Variants in KIAA0513 observed in about 807,000 individuals in gnomAD.
KIAA0513 encodes the protein uncharacterized protein KIAA0513.
KIAA0513 carries 39 observed loss-of-function variants against 56.5 expected under a neutral mutation model. The ratio of observed to expected loss-of-function variants is 0.69; its 90% CI spans 0.53 to 0.90. The LOEUF is 0.90. Ranked by LOEUF, KIAA0513 falls within the 40% of genes least tolerant of loss-of-function variation. The pLI is 0.00. For synonymous variants in KIAA0513, 268 were observed against 215.6 expected, an observed-to-expected ratio of 1.24 and a Z score of -2.13; for missense variants, 591 against 535.2, an observed-to-expected ratio of 1.10 and a Z score of -1.03.
chr16:85,078,158 CG>C (rs2073686512), intron 6 of KIAA0513, among the ~76,000 whole-genome samples: 2 of 152,174 alleles, frequency 1.3e-5, no homozygotes, highest in Non-Finnish European at 2.9e-5. Flanking sequence ...GGGCCACAGC[CG>C]GGTGCCTTGG....
At chr16:85,031,416 G>A (rs533202352) in intron 1 of KIAA0513, among the ~76,000 whole-genome samples, 5 of 152,284 alleles carry the variant, frequency 3.3e-5, no homozygotes, top group Non-Finnish European at 7.4e-5. Flanking sequence ...CCCCAGAGGT[G>A]GAGGTTGCCA....
chr16:85,071,890 C>A lies in KIAA0513; in HGVS notation c.429+8C>A. The A allele has an allele frequency of 6.4e-7, 1 of 1,566,526 alleles. No individual in the cohort carries two copies. Among genetic ancestry groups the A allele is most frequent in the Non-Finnish European group, 8.8e-7 (1 of 1,140,184 alleles). ...CGATACGTGAGTGCCCAGGTAAGGG[C>A]GAGGTGATGGGAAGGATGGGCGTTT... On this transcript the variant is annotated splice_region_variant and intron_variant, in intron 3 of 12. Transcript: ENST00000683363.
intron 1 of KIAA0513, among the ~76,000 whole-genome samples, chr16:85,061,589 G>A (rs1453089544): frequency 6.6e-6 from 1 of 152,218 alleles, no homozygotes; most frequent in Admixed American, 6.5e-5. Context: ...TCTTGAGGTT[G>A]ATGGGAAGGG....
chr16:85,078,032 A>G, intron 6 of KIAA0513, among the ~76,000 whole-genome samples: 1 of 152,100 alleles, frequency 6.6e-6, no homozygotes, highest in East Asian at 1.9e-4. Flanking sequence ...ACACTCGAGG[A>G]ATGCTTTGGG....
intron 2 of KIAA0513, among the ~76,000 whole-genome samples, chr16:85,068,985 G>A (rs1441237367): frequency 6.6e-6 from 1 of 152,116 alleles, no homozygotes; most frequent in Non-Finnish European, 1.5e-5. Context: ...TAGGGCCAAC[G>A]TAAGATAATA....
intron 1 of KIAA0513, among the ~76,000 whole-genome samples, chr16:85,055,544 A>C (rs535833875): frequency 6.6e-6 from 1 of 152,302 alleles, no homozygotes; most frequent in South Asian, 2.1e-4. Flanking sequence ...TGAGTCTGTA[A>C]CAAACACACA....
chr16:85,077,318 G>A (rs571473285), intron 5 of KIAA0513, 107 bp from the exon 6 acceptor site: 37 of 1,025,220 alleles, frequency 3.6e-5, no homozygotes, highest in African/African-American at 2.6e-4. Flanking sequence ...GGAGGCTCCC[G>A]TATCCCCACT....
rs145388961 is a variant in KIAA0513 at position 85,078,443 on chromosome 16, C to T, written c.811C>T (p.Arg271Trp). The T allele has an allele frequency of 1.2e-4, 186 of 1,613,750 alleles. No homozygotes were observed. In the African/African-American group the frequency reaches 1.6e-3, roughly 14 times the overall value. ...EEDENKPQEK[R>W]PRAVTAYSPE... ...AGACGAGAACAAACCCCAGGAGAAG[C>T]GGCCCAGGGCTGGTGAGTCTGCCCA... Residue 271 changes from arginine (R) to tryptophan (W), a missense_variant, in exon 7 of 13, where the codon CGG becomes TGG. By Grantham distance (101) the Arg-to-Trp change is moderately radical. Coordinates refer to ENST00000683363, the MANE Select transcript of KIAA0513 (RefSeq NM_001388359.1).
intron 1 of KIAA0513, among the ~76,000 whole-genome samples, chr16:85,058,863 T>C (rs2073365830): frequency 6.6e-6 from 1 of 152,180 alleles, no homozygotes; most frequent in Non-Finnish European, 1.5e-5. Flanking sequence ...ATTTGTCAGA[T>C]CAAGAGAATT....
chr16:85,036,565 C>G (rs1171061441), intron 1 of KIAA0513, among the ~76,000 whole-genome samples: 1 of 150,670 alleles, frequency 6.6e-6, no homozygotes, highest in African/African-American at 2.4e-5. Flanking sequence ...TTCTGGCCCT[C>G]TGCACTCGTC....
intron 1 of KIAA0513, among the ~76,000 whole-genome samples, chr16:85,062,755 C>T (rs977891085): frequency 4.6e-5 from 7 of 152,186 alleles, no homozygotes; most frequent in Non-Finnish European, 7.3e-5. Flanking sequence ...GGTCTACATT[C>T]CCAAATGGTA....
chr16:85,034,289 A>G (rs534552117), intron 1 of KIAA0513, among the ~76,000 whole-genome samples: 5 of 152,274 alleles, frequency 3.3e-5, no homozygotes, highest in Admixed American at 3.3e-4. Context: ...CTGAGGCAGG[A>G]GAATTGCTTG....
rs935549426 is a variant in KIAA0513, at chr16:85,091,692, T to G, written c.*3367T>G. 1 of 152,188 alleles carries G rather than the reference T, an allele frequency of 6.6e-6. No homozygotes were observed. Among genetic ancestry groups the G allele is most frequent in the Admixed American group, 6.5e-5 (1 of 15,280 alleles). The allele number at this position is 152,188 out of a possible 1,614,324, so 9.4% of individuals were successfully genotyped here. On this transcript the variant is annotated 3_prime_UTR_variant, in exon 13 of 13. Transcript: ENST00000683363. ...CTCTCGCTCACTCCTCCCAGCCCAG[T>G]AATGCTGAGGAGTTCAGTTGTGAGG... is the stretch of plus-strand genomic sequence containing the variant.
At chr16:85,056,851 C>G (rs141486584) in intron 1 of KIAA0513, among the ~76,000 whole-genome samples, 1 of 152,142 alleles carries the variant, frequency 6.6e-6, no homozygotes, top group African/African-American at 2.4e-5. Flanking sequence ...TAGGTGCATG[C>G]CTCCATGCTT....
chr16:85,044,733 C>G (rs887895607), intron 1 of KIAA0513, among the ~76,000 whole-genome samples: 4 of 151,870 alleles, frequency 2.6e-5, no homozygotes, highest in Non-Finnish European at 5.9e-5. Flanking sequence ...ATCTCAAACT[C>G]CTGACCTCAT....
At chr16:85,061,144 G>A (rs1229066722) in intron 1 of KIAA0513, among the ~76,000 whole-genome samples, 1 of 150,762 alleles carries the variant, frequency 6.6e-6, no homozygotes, top group Non-Finnish European at 1.5e-5. Flanking sequence ...GCGACAGAGT[G>A]AGTCTCCGTC....
At chr16:85,034,209 T>C (rs1009585241) in intron 1 of KIAA0513, among the ~76,000 whole-genome samples, 2 of 151,970 alleles carry the variant, frequency 1.3e-5, no homozygotes, top group Non-Finnish European at 2.9e-5. Flanking sequence ...TGAAAACCTC[T>C]CTCTTACTAA....
chr16:85,075,530 G>C (rs772534165), intron 4 of KIAA0513, among the ~76,000 whole-genome samples: 11 of 152,188 alleles, frequency 7.2e-5, no homozygotes, highest in Non-Finnish European at 1.2e-4. Flanking sequence ...TTTTCACTGA[G>C]ACTTGAGGGC....
At chr16:85,079,116 C>T in intron 8 of KIAA0513, 113 bp downstream of exon 8, 2 of 1,568,856 alleles carry the variant, frequency 1.3e-6, no homozygotes, top group Non-Finnish European at 1.7e-6. Context: ...AATTCTCACA[C>T]TCACCAGAGT....
Sources: gnomAD v4.1 joint callset for allele counts (sites outside exome capture counted in the v4.1 genomes callset) on GRCh38, gnomAD v4.1.1 for gene constraint, MANE v1.5 for transcripts, NCBI Gene and HGNC (gene_info 2026-07-23, HGNC 2026-07-21) for gene names.